PGPEP1L: variants seen among roughly 807,000 people sequenced by gnomAD.
PGPEP1L encodes pyroglutamyl-peptidase I like, also known as pyroglutamyl-peptidase 1-like protein.
Under a neutral mutation model 6.0 loss-of-function variants are expected in PGPEP1L, and 7 were observed. That is an observed-to-expected ratio of 1.17 (90% confidence interval 0.66 to 2.19). PGPEP1L has a LOEUF of 2.19. Ranked by LOEUF, PGPEP1L falls within the 30% of genes most tolerant of loss-of-function variation. The pLI is 0.00. For synonymous variants in PGPEP1L, 103 were observed against 83.9 expected (o/e 1.23, Z -1.24); for missense variants, 209 against 192.5 (o/e 1.09, Z -0.51).
intron 2 of PGPEP1L, among the ~76,000 whole-genome samples, chr15:98,994,278 C>T (rs550526166): frequency 1.3e-5 from 2 of 151,970 alleles, no homozygotes; most frequent in Admixed American, 6.6e-5. Flanking sequence ...AAAACAAAAA[C>T]CTTAAACTTT....
At position 98,972,872 on chromosome 15, in the gene PGPEP1L, C is replaced by CAA. The variant is rs58126997; in HGVS notation, c.-141-1716_-141-1715dup. Among the ~76,000 whole-genome samples the CAA allele has an allele frequency of 2.0e-3, 90 of 45,690 alleles. 11 individuals carry two copies. The highest frequency in any genetic ancestry group is 2.5e-3 in the African/African-American group (29 of 11,686). 30.0% of individuals were successfully genotyped at this position (45,690 alleles called of 152,430 possible). ...TGGGTGACAGAGTGAGACTCCGTCT[C>CAA]AAAAAAAAAAAAAAAAAAAAAAAAA... On this transcript the variant is annotated intron_variant, in intron 2 of 4. Coordinates refer to ENST00000535714, the MANE Select transcript of PGPEP1L (RefSeq NM_001167902.2).
intron 2 of PGPEP1L, among the ~76,000 whole-genome samples, chr15:99,004,482 G>A (rs1555473383): frequency 1.3e-5 from 2 of 152,028 alleles, no homozygotes; most frequent in African/African-American, 2.4e-5. Flanking sequence ...CACTTTGGGA[G>A]GCCTAGGCGG....
chr15:98,981,829 AG>A (rs1221541948), intron 2 of PGPEP1L, among the ~76,000 whole-genome samples: 2 of 152,210 alleles, frequency 1.3e-5, no homozygotes, highest in African/African-American at 4.8e-5. Flanking sequence ...TTAAATAAAA[AG>A]TTTGTCTAAA....
In PGPEP1L at chr15:98,981,297, C is replaced by T. The variant is rs113707830; in HGVS notation, c.-141-10139G>A. Among the ~76,000 whole-genome samples the T allele has an allele frequency of 6.3e-3, 959 of 152,116 alleles. 9 individuals are homozygous for T. The highest frequency in any genetic ancestry group is 0.021 in the African/African-American group (891 of 41,502). ...CACGAGGTCAGGAGATCCAGACCAT[C>T]CTGGCTAACACAGTGAAACCCCGTC... On this transcript the variant is annotated intron_variant, in intron 2 of 4. Transcript: ENST00000535714.
chr15:98,996,096 A>G (rs367738740), intron 2 of PGPEP1L, among the ~76,000 whole-genome samples: 18 of 152,046 alleles, frequency 1.2e-4, no homozygotes, highest in African/African-American at 4.3e-4. Context: ...TTGTGATTCT[A>G]TCTTTAAGTA....
chr15:99,006,289 C>A (rs1486735770), intron 1 of PGPEP1L, among the ~76,000 whole-genome samples: 1 of 152,234 alleles, frequency 6.6e-6, no homozygotes, highest in Non-Finnish European at 1.5e-5. Context: ...TCTGTGCAAG[C>A]TTGCTAGCTC....
intron 3 of PGPEP1L, 147 bp downstream of exon 3, chr15:98,970,889 C>A (rs1360142676): frequency 8.4e-7 from 1 of 1,184,488 alleles, no homozygotes; most frequent in Non-Finnish European, 1.2e-6. Flanking sequence ...CAGAACCTTA[C>A]ACAATCAGCT....
chr15:98,989,526 G>A (rs190124541), intron 2 of PGPEP1L, among the ~76,000 whole-genome samples: 2 of 152,300 alleles, frequency 1.3e-5, no homozygotes, highest in African/African-American at 4.8e-5. Context: ...AAAAGTGACA[G>A]GGAGAATGGA....
chr15:99,003,141 A>G (rs1455134095), intron 2 of PGPEP1L, among the ~76,000 whole-genome samples: 1 of 150,590 alleles, frequency 6.6e-6, no homozygotes, highest in East Asian at 1.9e-4. Flanking sequence ...AATAAATAAG[A>G]CTTTAGCTGC....
chr15:98,981,998 G>C (rs532302212), intron 2 of PGPEP1L, among the ~76,000 whole-genome samples: 1 of 152,312 alleles, frequency 6.6e-6, no homozygotes, highest in Admixed American at 6.5e-5. Flanking sequence ...TCTTGGTCTG[G>C]TTTTTCTGGC....
At chr15:99,001,280 C>G in intron 2 of PGPEP1L, 1 of 255,180 alleles carries the variant, frequency 3.9e-6, no homozygotes, top group Non-Finnish European at 8.0e-6. Context: ...TGAAAACATG[C>G]TAAATGAAAG....
intron 2 of PGPEP1L, among the ~76,000 whole-genome samples, chr15:98,979,410 T>C (rs1403041408): frequency 6.6e-6 from 1 of 152,044 alleles, no homozygotes; most frequent in Non-Finnish European, 1.5e-5. Context: ...CAGGAGGACA[T>C]GCACATAGCA....
intron 2 of PGPEP1L, among the ~76,000 whole-genome samples, chr15:98,984,442 C>T (rs1367486020): frequency 6.6e-6 from 1 of 152,008 alleles, no homozygotes; most frequent in Non-Finnish European, 1.5e-5. Flanking sequence ...TAGCCGGGCC[C>T]TTGGTGGAGA....
intron 2 of PGPEP1L, among the ~76,000 whole-genome samples, chr15:98,999,098 A>G (rs1182795250): frequency 6.6e-6 from 1 of 152,260 alleles, no homozygotes; most frequent in African/African-American, 2.4e-5. Context: ...TTAACAAACT[A>G]GATTCCGTCA....
intron 2 of PGPEP1L, among the ~76,000 whole-genome samples, chr15:99,004,465 G>A (rs376857301): frequency 6.6e-6 from 1 of 151,628 alleles, no homozygotes. Context: ...CATGCCTGTA[G>A]TCCCAGCACT....
chr15:98,975,344 A>T (rs534193408), intron 2 of PGPEP1L, among the ~76,000 whole-genome samples: 1 of 152,312 alleles, frequency 6.6e-6, no homozygotes, highest in Admixed American at 6.5e-5. Flanking sequence ...GGGAAGTATG[A>T]AAAGAGGTTG....
Position 98,970,142 on chromosome 15 carries a change from G to A in PGPEP1L, c.-18-491C>T, listed in dbSNP as rs113531148. ...CAGCTCCCTGCAACCTCTGCCTCCCGGGTTCAAGTGATTATCCTGCCTCAG... is the reference window on the plus strand; with the variant it reads ...CAGCTCCCTGCAACCTCTGCCTCCCAGGTTCAAGTGATTATCCTGCCTCAG... On this transcript the variant is annotated intron_variant, in intron 3 of 4. Coordinates refer to ENST00000535714, the MANE Select transcript of PGPEP1L (RefSeq NM_001167902.2). 2.7e-4 allele frequency among the ~76,000 whole-genome samples: 41 copies of A among 152,186 alleles called. 1 individual carries two copies. The East Asian group carries it at 4.1e-3, about 15-fold the overall frequency.
rs1355357922 is a variant in PGPEP1L at position 99,007,582 on chromosome 15, G to A, written c.-593C>T. The A allele has an allele frequency of 2.0e-5, 3 of 151,940 alleles. No homozygotes were observed. Among genetic ancestry groups the A allele is most frequent in the East Asian group, 2.0e-4 (1 of 5,112 alleles). 9.4% of individuals were successfully genotyped at this position (151,940 alleles called of 1,614,324 possible). On this transcript the variant is annotated 5_prime_UTR_variant, in exon 1 of 5. Transcript: ENST00000535714. ...TACGGACCTTCATCATGAGTGCTAC[G>A]GCTCTTAAGGTGGCGTGTTTGGAGT...
intron 4 of PGPEP1L, among the ~76,000 whole-genome samples, chr15:98,969,111 G>A (rs989963091): frequency 5.3e-5 from 8 of 152,200 alleles, no homozygotes; most frequent in African/African-American, 1.7e-4. Context: ...CACAACTTCG[G>A]TCACCCCAAA....
Sources: gnomAD v4.1 joint callset for allele counts (sites outside exome capture counted in the v4.1 genomes callset) on GRCh38, gnomAD v4.1.1 for gene constraint, MANE v1.5 for transcripts, NCBI Gene and HGNC (gene_info 2026-07-23, HGNC 2026-07-21) for gene names.